The following EPM2A variants were observed in gnomAD, a reference collection of about 807,000 sequenced individuals.
The protein encoded by EPM2A is laforin.
EPM2A carries 21 observed loss-of-function variants against 26.5 expected under a neutral mutation model. The ratio of observed to expected loss-of-function variants is 0.79; its 90% confidence interval spans 0.56 to 1.14. The LOEUF (loss-of-function observed/expected upper bound fraction) is 1.14. Ranked by LOEUF, EPM2A falls within the 50% of genes most tolerant of loss-of-function variation. The pLI, the probability that EPM2A is intolerant of heterozygous loss-of-function variation, is 0.00. For missense variants in EPM2A, 458 were observed against 440.8 expected, an observed-to-expected ratio of 1.04 and a Z score of -0.35; for synonymous variants, 217 against 177.6, an observed-to-expected ratio of 1.22 and a Z score of -1.76.
At position 145,625,767 on chromosome 6, in the gene EPM2A, C is replaced by T; in HGVS notation, c.*1649G>A. The T allele has an allele frequency of 8.1e-7, 1 of 1,237,752 alleles. No individual in the cohort carries two copies. Among genetic ancestry groups the T allele is most frequent in the Non-Finnish European group, 1.2e-6 (1 of 841,358 alleles). The allele number at this position is 1,237,752 out of a possible 1,614,324, so 76.7% of individuals were successfully genotyped here. On this transcript the variant is annotated 3_prime_UTR_variant, in exon 4 of 4. Transcript: ENST00000367519. ...GTCATCTCCCCTAAGTGCCACAGTTCTATCTCCCCGTCCTCTGAGCTCCAC... is the reference window on the plus strand; with the variant it reads ...GTCATCTCCCCTAAGTGCCACAGTTTTATCTCCCCGTCCTCTGAGCTCCAC...
intron 1 of EPM2A, among the ~76,000 whole-genome samples, chr6:145,694,534 T>A (rs1781465249): frequency 6.6e-6 from 1 of 151,928 alleles, no homozygotes; most frequent in South Asian, 2.1e-4. Context: ...TAAACTGTCC[T>A]TGCTAATGAA....
At chr6:145,730,872 G>A (rs557102310) in intron 1 of EPM2A, among the ~76,000 whole-genome samples, 13 of 152,246 alleles carry the variant, frequency 8.5e-5, no homozygotes, top group African/African-American at 2.9e-4. Flanking sequence ...ACAAATAAAC[G>A]CATGTCAGCC....
chr6:145,679,448 A>C (rs1385900856), intron 2 of EPM2A, among the ~76,000 whole-genome samples: 1 of 152,068 alleles, frequency 6.6e-6, no homozygotes, highest in Non-Finnish European at 1.5e-5. Flanking sequence ...ATATTTAAAA[A>C]GAAAAAAAAG....
intron 4 of EPM2A, among the ~76,000 whole-genome samples, chr6:145,449,012 A>G (rs554348923): frequency 6.6e-6 from 1 of 152,278 alleles, no homozygotes; most frequent in East Asian, 1.9e-4. Flanking sequence ...TGTGCTTCAT[A>G]TCTATTTTCT....
At chr6:145,684,022 T>C (rs1780741246) in intron 2 of EPM2A, among the ~76,000 whole-genome samples, 1 of 152,038 alleles carries the variant, frequency 6.6e-6, no homozygotes, top group South Asian at 2.1e-4. Context: ...GAAGAGAACT[T>C]AAAAATAACT....
At chr6:145,673,466 C>T (rs35666382) in intron 2 of EPM2A, among the ~76,000 whole-genome samples, 3,993 of 152,240 alleles carry the variant, frequency 0.026, 139 homozygotes, top group South Asian at 0.18. Flanking sequence ...CAAAGCAGGG[C>T]GGCGCATTGC....
rs146522828 is a variant in EPM2A at position 145,613,899 on chromosome 6, C to T, written c.340+21346G>A. Among the ~76,000 whole-genome samples the T allele has an allele frequency of 1.2e-3, 184 of 152,324 alleles. 2 individuals are homozygous for T. In the East Asian group the frequency reaches 0.033, roughly 27 times the overall value. On this transcript the variant is annotated intron_variant, in intron 2 of 3. Coordinates refer to the EPM2A transcript ENST00000450221. ...ATAATGATTAATGAGCATCTGGCTT[C>T]AACTTAAAGTCACCAGCTACAGTAG...
intron 4 of EPM2A, among the ~76,000 whole-genome samples, chr6:145,457,553 A>G (rs529883504): frequency 6.6e-6 from 1 of 152,214 alleles, no homozygotes; most frequent in African/African-American, 2.4e-5. Context: ...AAAAACTGCT[A>G]CCAGTGCATC....
At position 145,449,018 on chromosome 6, in the gene EPM2A, T is replaced by A. The variant is rs186280990; in HGVS notation, c.555+53504A>T. 1.5e-3 allele frequency among the ~76,000 whole-genome samples: 228 copies of A among 152,310 alleles called. 1 individual carries two copies. In the Middle Eastern group the frequency reaches 0.024, roughly 16 times the overall value. ...GGCTAGGGATGTGCTTCATATCTAT[T>A]TTCTTTGTGATATTTTGTTTTATGT... On this transcript the variant is annotated intron_variant, in intron 4 of 4. Coordinates refer to the EPM2A transcript ENST00000638717.
chr6:145,421,805 G>A lies in EPM2A; in HGVS notation c.556-37708C>T, dbSNP rs563589899. 1.4e-3 allele frequency among the ~76,000 whole-genome samples: 205 copies of A among 151,478 alleles called. 1 individual carries two copies. Among genetic ancestry groups the A allele is most frequent in the African/African-American group, 4.5e-3 (187 of 41,462 alleles). On this transcript the variant is annotated intron_variant, in intron 4 of 4. Transcript: ENST00000638717. ...TAAAAAAACAGGCTTTCAACAAGAT[G>A]ATTGGTCAAACTACAGCTGAAAAAT... is the stretch of plus-strand genomic sequence containing the variant.
chr6:145,635,568 A>G, intron 2 of EPM2A, 82 bp from the exon 3 acceptor site: 1 of 1,323,314 alleles, frequency 7.6e-7, no homozygotes, highest in African/African-American at 1.4e-5. Context: ...ATGTAGTATT[A>G]AAATATAACT....
intron 2 of EPM2A, among the ~76,000 whole-genome samples, chr6:145,673,701 G>C (rs928267979): frequency 6.6e-6 from 1 of 152,140 alleles, no homozygotes; most frequent in African/African-American, 2.4e-5. Context: ...ATCAACCTGA[G>C]AGGCTGCAGC....
At chr6:145,597,020 G>A (rs1390029392) in intron 2 of EPM2A, among the ~76,000 whole-genome samples, 1 of 149,378 alleles carries the variant, frequency 6.7e-6, no homozygotes, top group Admixed American at 6.7e-5. Context: ...TCAGCCTCCC[G>A]AGTAGCTGGG....
chr6:145,735,503 G>A lies in EPM2A; in HGVS notation c.-5C>T. ...CACCCCAAAGCGGAAGCGCATGGCG[G>A]GCGGCGGCGGCGCGAATACCCGGGC... On this transcript the variant is annotated 5_prime_UTR_variant, in exon 1 of 4. Coordinates refer to ENST00000367519, the MANE Select transcript of EPM2A (RefSeq NM_005670.4). 8.4e-7 allele frequency: 1 copy of A among 1,184,908 alleles called. No homozygotes were observed. Among genetic ancestry groups the A allele is most frequent in the Non-Finnish European group, 1.0e-6 (1 of 957,942 alleles). The allele number at this position is 1,184,908 out of a possible 1,614,324, so 73.4% of individuals were successfully genotyped here.
At chr6:145,445,303 A>G (rs886345842) in intron 4 of EPM2A, among the ~76,000 whole-genome samples, 3 of 152,212 alleles carry the variant, frequency 2.0e-5, no homozygotes, top group African/African-American at 7.2e-5. Context: ...TTCTTTGACA[A>G]ATGACCCTTA....
intron 1 of EPM2A, chr6:145,734,475 C>T (rs1776698930): frequency 6.6e-6 from 1 of 151,816 alleles, no homozygotes; most frequent in Non-Finnish European, 1.5e-5. Context: ...ATTTTACAAC[C>T]AGCATGTATT....
At chr6:145,397,114 G>A (rs941450785) in intron 4 of EPM2A, among the ~76,000 whole-genome samples, 13 of 152,172 alleles carry the variant, frequency 8.5e-5, no homozygotes, top group African/African-American at 3.1e-4. Context: ...ACTCCCGTGA[G>A]AAAACATTGA....
chr6:145,474,301 A>C (rs960928081), intron 4 of EPM2A, among the ~76,000 whole-genome samples: 1 of 152,074 alleles, frequency 6.6e-6, no homozygotes, highest in African/African-American at 2.4e-5. Context: ...ATCTCTACTA[A>C]AAATACAAAA....
At chr6:145,452,666 G>A (rs1465852264) in intron 4 of EPM2A, among the ~76,000 whole-genome samples, 1 of 127,444 alleles carries the variant, frequency 7.8e-6, no homozygotes, top group African/African-American at 2.7e-5. Flanking sequence ...TCCCGCCTGG[G>A]CAACAGAGCA....
Sources: gnomAD v4.1 joint callset for allele counts (sites outside exome capture counted in the v4.1 genomes callset) on GRCh38, gnomAD v4.1.1 for gene constraint, MANE v1.5 for transcripts, NCBI Gene and HGNC (gene_info 2026-07-23, HGNC 2026-07-21) for gene names.